The following SYNPO2 variants were observed in gnomAD, a reference collection of about 807,000 sequenced individuals.
SYNPO2 encodes synaptopodin 2.
In SYNPO2, 56 loss-of-function variants were observed where a neutral mutation model predicts 85.0. The observed-to-expected ratio is 0.66, with a 90% confidence interval of 0.53 to 0.82. SYNPO2 has a LOEUF of 0.82. SYNPO2 is among the 40% of genes least tolerant of loss of function. SYNPO2 has a pLI of 0.00. For missense variants in SYNPO2, 1,575 were observed against 1,534.2 expected (o/e 1.03, Z -0.44); for synonymous variants, 602 against 591.1 (o/e 1.02, Z -0.27).
intron 1 of SYNPO2, among the ~76,000 whole-genome samples, chr4:119,004,874 C>G (rs1736969899): frequency 6.6e-6 from 1 of 151,944 alleles, no homozygotes; most frequent in African/African-American, 2.4e-5. Flanking sequence ...TTCTCCACAT[C>G]CTCTCCAGCA....
intron 1 of SYNPO2, among the ~76,000 whole-genome samples, chr4:118,873,847 T>C (rs1425899452): frequency 6.6e-6 from 1 of 152,192 alleles, no homozygotes; most frequent in Admixed American, 6.5e-5. Context: ...TCACCTTGAG[T>C]TGATTTTCGT....
intron 1 of SYNPO2, among the ~76,000 whole-genome samples, chr4:118,946,835 G>A (rs1488802176): frequency 1.3e-5 from 2 of 152,290 alleles, no homozygotes; most frequent in South Asian, 2.1e-4. Flanking sequence ...AATGCTATGC[G>A]TGTTTTAAGA....
At chr4:118,853,155 A>G (rs553212657) in intron 1 of SYNPO2, among the ~76,000 whole-genome samples, 1 of 152,286 alleles carries the variant, frequency 6.6e-6, no homozygotes, top group Admixed American at 6.5e-5. Context: ...TGAGGAACCT[A>G]GAGATAAGAG....
chr4:118,952,619 T>C (rs1031664950), intron 1 of SYNPO2, among the ~76,000 whole-genome samples: 1 of 152,158 alleles, frequency 6.6e-6, no homozygotes, highest in Non-Finnish European at 1.5e-5. Flanking sequence ...TCAGAAATAA[T>C]GTAATACCAA....
chr4:118,870,940 C>T lies in SYNPO2; in HGVS notation c.12+20000C>T, dbSNP rs1160257072. On this transcript the variant is annotated intron_variant, in intron 1 of 4. Coordinates refer to the SYNPO2 transcript ENST00000610556. The stretch of plus-strand genomic sequence containing the variant: ...GATGTTTAAAAAATCTTATTTATCA[C>T]TCACAGCAAGCTCAAAAGAGGAGAA... Among the ~76,000 whole-genome samples, 13 of 152,280 alleles carry T rather than the reference C, an allele frequency of 8.5e-5. No individual in the cohort carries two copies. In the East Asian group the frequency reaches 2.5e-3, roughly 29 times the overall value.
chr4:118,999,594 T>C (rs1284193320), intron 1 of SYNPO2, among the ~76,000 whole-genome samples: 1 of 150,564 alleles, frequency 6.6e-6, no homozygotes, highest in African/African-American at 2.4e-5. Flanking sequence ...TATGTATGTA[T>C]GTATGCATGT....
intron 1 of SYNPO2, among the ~76,000 whole-genome samples, chr4:119,015,964 C>T (rs1270552710): frequency 6.6e-6 from 1 of 152,128 alleles, no homozygotes; most frequent in Non-Finnish European, 1.5e-5. Context: ...ACATGATTTT[C>T]TCCCCACTTC....
chr4:118,994,217 C>T (rs1736507486), intron 1 of SYNPO2, among the ~76,000 whole-genome samples: 1 of 152,164 alleles, frequency 6.6e-6, no homozygotes, highest in African/African-American at 2.4e-5. Flanking sequence ...AAAAATTCAC[C>T]AATTTTAGCA....
At chr4:119,026,317 A>T (rs1166292621) in intron 2 of SYNPO2, among the ~76,000 whole-genome samples, 2 of 152,256 alleles carry the variant, frequency 1.3e-5, no homozygotes, top group African/African-American at 2.4e-5. Context: ...AGATACCCAG[A>T]TTCCAAGTAC....
chr4:118,972,121 G>C (rs925672166), intron 1 of SYNPO2, among the ~76,000 whole-genome samples: 12 of 152,134 alleles, frequency 7.9e-5, no homozygotes, highest in African/African-American at 2.7e-4. Flanking sequence ...AAAGAGAGGA[G>C]ACAGAATAAT....
rs751055742 is a variant in SYNPO2 at position 119,030,145 on chromosome 4, C to A, written c.1370C>A (p.Thr457Lys). 7 of 1,614,088 alleles carry A rather than the reference C, an allele frequency of 4.3e-6. No individual in the cohort carries two copies. The highest frequency in any genetic ancestry group is 3.3e-5 in the South Asian group (3 of 91,084). Reference protein sequence around the residue: ...EELLSDVDDNTQVVNFDWDSG... With the variant: ...EELLSDVDDNKQVVNFDWDSG... The stretch of plus-strand genomic sequence containing the variant: ...TTATTGTCTGACGTTGACGACAACA[C>A]ACAAGTTGTGAACTTTGACTGGGAT... Residue 457 changes from threonine to lysine, a missense_variant, in exon 4 of 5, where the codon ACA (threonine) becomes AAA (lysine). Thr to Lys is a moderately conservative substitution (Grantham distance 78). This residue lies in a region of SYNPO2 where 1,508 missense variants were observed against 1,446.8 expected (regional missense o/e 1.04). Coordinates refer to ENST00000307142, the MANE Select transcript of SYNPO2 (RefSeq NM_133477.3).
At chr4:118,999,564 G>A (rs906152517) in intron 1 of SYNPO2, among the ~76,000 whole-genome samples, 5 of 152,064 alleles carry the variant, frequency 3.3e-5, no homozygotes, top group Non-Finnish European at 5.9e-5. Context: ...GCATACCACC[G>A]CACCCAGCTA....
chr4:118,871,626 T>C (rs534958325), intron 1 of SYNPO2, among the ~76,000 whole-genome samples: 2 of 150,950 alleles, frequency 1.3e-5, no homozygotes, highest in South Asian at 4.2e-4. Flanking sequence ...TGGAGTGCAG[T>C]GGCACAATCT....
chr4:118,883,723 T>TTC (rs1732152230), intron 1 of SYNPO2, among the ~76,000 whole-genome samples: 1 of 150,408 alleles, frequency 6.6e-6, no homozygotes, highest in Non-Finnish European at 1.5e-5. Flanking sequence ...CTTTTTTTTT[T>TTC]CTCTTGCTTT....
At chr4:119,017,568 TTTAA>T (rs1299268450) in intron 1 of SYNPO2, among the ~76,000 whole-genome samples, 15 of 152,258 alleles carry the variant, frequency 9.9e-5, no homozygotes, top group Non-Finnish European at 2.1e-4. Flanking sequence ...TCTCTAAAAC[TTTAA>T]TTGTTGCCTG....
intron 1 of SYNPO2, among the ~76,000 whole-genome samples, chr4:118,890,536 A>G (rs920990728): frequency 6.7e-6 from 1 of 148,798 alleles, no homozygotes; most frequent in African/African-American, 2.5e-5. Flanking sequence ...ATGAATGCCC[A>G]ATTTAGCATA....
chr4:118,973,991 A>C (rs1050603346), intron 1 of SYNPO2, among the ~76,000 whole-genome samples: 1 of 152,246 alleles, frequency 6.6e-6, no homozygotes, highest in Non-Finnish European at 1.5e-5. Flanking sequence ...TATTGTTCCC[A>C]TTATACAGCT....
intron 1 of SYNPO2, among the ~76,000 whole-genome samples, chr4:118,857,150 T>C (rs892873218): frequency 3.9e-5 from 6 of 152,204 alleles, no homozygotes; most frequent in Admixed American, 2.0e-4. Context: ...CTATCATCCA[T>C]GAATGCTGTA....
chr4:119,057,377 T>C (rs1578682142), intron 4 of SYNPO2, 24 bp from the exon 5 acceptor site: 5 of 1,543,122 alleles, frequency 3.2e-6, no homozygotes, highest in Middle Eastern at 1.8e-4. Context: ...GAATGAGATA[T>C]ATTAATATTT....
Sources: allele counts gnomAD v4.1 joint callset (sites outside exome capture counted in the v4.1 genomes callset), GRCh38; gene constraint gnomAD v4.1.1; regional missense constraint gnomAD v4.1.1; transcripts MANE v1.5; gene names NCBI Gene and HGNC (gene_info 2026-07-23, HGNC 2026-07-21).